The following P3H2 variants were observed in gnomAD, a reference collection of about 807,000 sequenced individuals.
The protein encoded by P3H2 is leprecan-like 1.
In P3H2, 80 loss-of-function variants were observed where a neutral mutation model predicts 87.0. That is an observed-to-expected ratio of 0.92 (90% CI 0.77 to 1.11). P3H2 has a LOEUF of 1.11. Ranked by LOEUF, P3H2 falls within the 50% of genes least tolerant of loss-of-function variation. The pLI is 0.00. For synonymous variants in P3H2, 367 were observed against 359.3 expected, an observed-to-expected ratio of 1.02 and a Z score of -0.24; for missense variants, 1,001 against 923.9, an observed-to-expected ratio of 1.08 and a Z score of -1.08.
chr3:190,114,099 T>A (rs1323922542), intron 1 of P3H2, among the ~76,000 whole-genome samples: 43 of 136,002 alleles, frequency 3.2e-4, no homozygotes, highest in Non-Finnish European at 3.8e-4. Flanking sequence ...AAAAAAAAAA[T>A]GGCCAGGAAG....
intron 1 of P3H2, among the ~76,000 whole-genome samples, chr3:190,115,335 A>G (rs1317996023): frequency 1.3e-5 from 2 of 152,182 alleles, no homozygotes; most frequent in African/African-American, 2.4e-5. Context: ...CACAGAAACA[A>G]AACAAGCAGG....
At chr3:190,003,086 G>A (rs1724266085) in intron 1 of P3H2, among the ~76,000 whole-genome samples, 1 of 152,188 alleles carries the variant, frequency 6.6e-6, no homozygotes, top group Non-Finnish European at 1.5e-5. Context: ...AGGATTAAAT[G>A]GAAATGACGT....
chr3:189,987,521 T>TCTCACCTC lies in P3H2; in HGVS notation c.1096_1098+5dup. ...AAAGAATTTCTTTTCAAAACATTGG[T>TCTCACCTC]CTCACCTCTCTGGCCTCAATGGATG... On this transcript the variant is annotated splice_donor_region_variant and intron_variant, in intron 5 of 14. Transcript: ENST00000319332. The TCTCACCTC allele has an allele frequency of 6.2e-7, 1 of 1,611,812 alleles. No homozygotes were observed. The highest frequency in any genetic ancestry group is 8.5e-7 in the Non-Finnish European group (1 of 1,178,408).
intron 1 of P3H2, among the ~76,000 whole-genome samples, chr3:190,058,214 C>G (rs1458369113): frequency 1.3e-5 from 2 of 152,042 alleles, no homozygotes; most frequent in Admixed American, 1.3e-4. Flanking sequence ...ATTTTAGTCC[C>G]TATCTGTCAA....
rs780298114 is a variant in P3H2 at position 189,995,272 on chromosome 3, G to A, written c.633+18C>T. The A allele has an allele frequency of 6.2e-7, 1 of 1,613,480 alleles. No individual in the cohort carries two copies. The highest frequency in any genetic ancestry group is 8.5e-7 in the Non-Finnish European group (1 of 1,179,504). ...CACTTAGCTCCCTGTGGTGAGGGCA[G>A]GGGCCCACAGAGCTTACCATGTGTG... is the stretch of plus-strand genomic sequence containing the variant. On this transcript the variant is annotated intron_variant, in intron 2 of 14. Transcript: ENST00000319332.
intron 1 of P3H2, among the ~76,000 whole-genome samples, chr3:190,046,628 ACAAT>A (rs61679838): frequency 0.81 from 122,598 of 151,426 alleles, 49,788 homozygotes; most frequent in East Asian, 0.88. Flanking sequence ...CTATAATCTC[ACAAT>A]CAGATATAGA....
At chr3:190,068,643 T>C (rs4687122) in intron 1 of P3H2, among the ~76,000 whole-genome samples, 147,920 of 152,242 alleles carry the variant, frequency 0.97, 71,880 homozygotes, top group East Asian at 1. Flanking sequence ...TACTGCTTGC[T>C]CAGTTCATTC....
At chr3:189,975,767 T>C (rs1577249614) in intron 8 of P3H2, among the ~76,000 whole-genome samples, 1 of 152,316 alleles carries the variant, frequency 6.6e-6, no homozygotes, top group Non-Finnish European at 1.5e-5. Context: ...TAAATGTTTA[T>C]TAGTCTAGCT....
At chr3:190,046,000 G>A (rs1003693199) in intron 1 of P3H2, among the ~76,000 whole-genome samples, 1 of 152,090 alleles carries the variant, frequency 6.6e-6, no homozygotes, top group East Asian at 1.9e-4. Flanking sequence ...GCGGGCGCCT[G>A]TGGTCCCAGC....
In P3H2 at chr3:190,097,885, A is replaced by G. The variant is rs538186984; in HGVS notation, c.480+22367T>C. 2.0e-5 allele frequency among the ~76,000 whole-genome samples: 3 copies of G among 152,188 alleles called. No homozygotes were observed. The East Asian group carries it at 5.8e-4, about 29-fold the overall frequency. On this transcript the variant is annotated intron_variant, in intron 1 of 14. Transcript: ENST00000319332. ...TTAAACCTTTCAAGGCCCCCCAAAA[A>G]ACCCTACATATGCTCTCTGTGTCTG...
intron 1 of P3H2, among the ~76,000 whole-genome samples, chr3:190,112,991 C>A (rs1712132346): frequency 6.6e-6 from 1 of 152,106 alleles, no homozygotes; most frequent in African/African-American, 2.4e-5. Context: ...TTCCACCAGA[C>A]AACTGTGACT....
chr3:189,966,171 GAAAGAAAGAA>G (rs1553871252), intron 13 of P3H2, among the ~76,000 whole-genome samples: 3 of 146,792 alleles, frequency 2.0e-5, no homozygotes, highest in Admixed American at 1.4e-4. Context: ...AAGAAAGAAA[GAAAGAAAGAA>G]AGAAAGAAAG....
intron 1 of P3H2, among the ~76,000 whole-genome samples, chr3:190,118,677 T>C (rs1362002242): frequency 6.6e-6 from 1 of 152,050 alleles, no homozygotes; most frequent in African/African-American, 2.4e-5. Flanking sequence ...AGTTGAAATT[T>C]CGTGCACTCC....
chr3:189,994,733 T>TTGATGTATGGTGATGTCATACATTGA (rs1356908147), intron 2 of P3H2, among the ~76,000 whole-genome samples: 2 of 150,618 alleles, frequency 1.3e-5, no homozygotes, highest in African/African-American at 4.9e-5. Flanking sequence ...AGGCTACATG[T>TTGATGTATGGTGATGTCATACATTGA]TGAGAATGGT....
intron 1 of P3H2, among the ~76,000 whole-genome samples, chr3:190,040,039 T>C (rs1577289724): frequency 6.6e-6 from 1 of 152,220 alleles, no homozygotes; most frequent in East Asian, 1.9e-4. Context: ...ATAGTTGCAT[T>C]AGATATTTCT....
chr3:189,995,344 C>A lies in P3H2; in HGVS notation c.579G>T (p.Ala193=). Residue 193 remains alanine (A), a synonymous_variant, in exon 2 of 15, where the codon GCG becomes GCT. Transcript: ENST00000319332. ...EMQQNIENYR[A]TAGVEALQLV... ...ACTGCAATGCTTCAACACCAGCTGT[C>A]GCCCTGTAATTCTCAATGTTCTGCT... 6.2e-7 allele frequency: 1 copy of A among 1,614,036 alleles called. No individual in the cohort carries two copies. The highest frequency in any genetic ancestry group is 1.1e-5 in the South Asian group (1 of 91,070).
At chr3:190,013,417 T>C (rs1464847363) in intron 1 of P3H2, among the ~76,000 whole-genome samples, 15 of 152,136 alleles carry the variant, frequency 9.9e-5, no homozygotes, top group Admixed American at 9.8e-4. Context: ...AAAATAGAAA[T>C]AAACCAATGA....
At position 190,019,531 on chromosome 3, in the gene P3H2, C is replaced by A. The variant is rs138194611; in HGVS notation, c.481-24089G>T. Reference sequence around the variant, plus strand: ...TGGATGCTGATGACTGTCCCTTTATCCCTATATCCATAGATGTCTGGATGC... The same window carrying A: ...TGGATGCTGATGACTGTCCCTTTATACCTATATCCATAGATGTCTGGATGC... On this transcript the variant is annotated intron_variant, in intron 1 of 14. Coordinates refer to ENST00000319332, the MANE Select transcript of P3H2 (RefSeq NM_018192.4). 2.4e-3 allele frequency among the ~76,000 whole-genome samples: 361 copies of A among 151,880 alleles called. 8 individuals carry two copies. The highest frequency in any genetic ancestry group is 8.2e-3 in the African/African-American group (338 of 41,434).
intron 1 of P3H2, among the ~76,000 whole-genome samples, chr3:190,095,288 CAAATTGTCTCAAAACAT>C: frequency 8.6e-6 from 1 of 116,182 alleles, no homozygotes; most frequent in Non-Finnish European, 1.7e-5. Context: ...GTCTCAAAGA[CAAATTGTCTCAAAACAT>C]ATATATATAT....
Sources: gnomAD v4.1 joint callset for allele counts (sites outside exome capture counted in the v4.1 genomes callset) on GRCh38, gnomAD v4.1.1 for gene constraint, MANE v1.5 for transcripts, NCBI Gene and HGNC (gene_info 2026-07-23, HGNC 2026-07-21) for gene names.